Variants in SNX24 observed in about 807,000 individuals in gnomAD.
SNX24 encodes the protein sorting nexin-24.
Under a neutral mutation model 28.7 loss-of-function variants are expected in SNX24, and 22 were observed. That is an observed-to-expected ratio of 0.77 (90% CI 0.55 to 1.10). The LOEUF (loss-of-function observed/expected upper bound fraction) is 1.10, where lower values mean the gene tolerates loss of function less well. Ranked by LOEUF, SNX24 falls within the 50% of genes least tolerant of loss-of-function variation. The pLI is 0.00. For synonymous variants in SNX24, 69 were observed against 71.5 expected (o/e 0.96, Z 0.18); for missense variants, 221 against 201.1 (o/e 1.10, Z -0.60).
In SNX24 at chr5:122,873,760, CTTTTTTTTT is replaced by C. The variant is rs909560379; in HGVS notation, c.60+28081_60+28089del. ...CTCTCTTTCATCTTTCAAAGGGAATCTTTTTTTTTTTTTTTTTTTTTTGAGATGGAGTTT... is the reference window on the plus strand; with the variant it reads ...CTCTCTTTCATCTTTCAAAGGGAATCTTTTTTTTTTTTTGAGATGGAGTTT... On this transcript the variant is annotated intron_variant, in intron 1 of 6. Transcript: ENST00000261369. 6.8e-4 allele frequency among the ~76,000 whole-genome samples: 82 copies of C among 120,648 alleles called. 1 individual carries two copies. The highest frequency in any genetic ancestry group is 2.4e-3 in the African/African-American group (76 of 32,000). 79.1% of individuals were successfully genotyped at this position (120,648 alleles called of 152,430 possible).
intron 1 of SNX24, among the ~76,000 whole-genome samples, chr5:122,928,288 T>C (rs1373559794): frequency 6.6e-6 from 1 of 152,122 alleles, no homozygotes; most frequent in Non-Finnish European, 1.5e-5. Context: ...GTCATTCAGG[T>C]CTGTAGTGAA....
At chr5:122,894,503 A>G (rs1223795557) in intron 1 of SNX24, among the ~76,000 whole-genome samples, 2 of 152,136 alleles carry the variant, frequency 1.3e-5, no homozygotes, top group African/African-American at 4.8e-5. Context: ...GGCACCATGG[A>G]ACTTCTTTGT....
At chr5:122,974,006 C>T (rs536302699) in intron 3 of SNX24, among the ~76,000 whole-genome samples, 43 of 152,312 alleles carry the variant, frequency 2.8e-4, no homozygotes, top group Middle Eastern at 3.4e-3. Flanking sequence ...GAGCCTTCTC[C>T]TGTTCTGGAC....
At chr5:122,985,533 A>C (rs1761564386) in intron 3 of SNX24, among the ~76,000 whole-genome samples, 1 of 152,200 alleles carries the variant, frequency 6.6e-6, no homozygotes, top group Non-Finnish European at 1.5e-5. Context: ...TGAGAGGATT[A>C]AGCGACCCAT....
At chr5:122,889,743 G>GTA (rs71223069) in intron 1 of SNX24, among the ~76,000 whole-genome samples, 1 of 143,452 alleles carries the variant, frequency 7.0e-6, no homozygotes, top group Non-Finnish European at 1.5e-5. Context: ...ATATATATGT[G>GTA]TATATATATA....
intron 2 of SNX24, among the ~76,000 whole-genome samples, chr5:122,943,862 C>T (rs1315879863): frequency 6.6e-6 from 1 of 152,162 alleles, no homozygotes; most frequent in South Asian, 2.1e-4. Context: ...CCCTTTTTCT[C>T]TATCTGTACC....
intron 2 of SNX24, among the ~76,000 whole-genome samples, chr5:122,943,603 TC>T (rs200915193): frequency 6.6e-6 from 1 of 152,168 alleles, no homozygotes. Flanking sequence ...CCCTTTTTTT[TC>T]TTGCTGGCTG....
At chr5:123,012,531 T>A (rs556170266), downstream of SNX24, among the ~76,000 whole-genome samples, 1 of 152,342 alleles carries the variant, frequency 6.6e-6, no homozygotes, top group African/African-American at 2.4e-5. Context: ...AATTAGTGTT[T>A]AATAGGTTTC....
chr5:122,889,352 A>G (rs531945460), intron 1 of SNX24, among the ~76,000 whole-genome samples: 14 of 151,942 alleles, frequency 9.2e-5, no homozygotes, highest in Non-Finnish European at 1.6e-4. Context: ...ATCTGTATAG[A>G]TGTATACAGG....
At chr5:122,890,618 C>G (rs905570959) in intron 1 of SNX24, among the ~76,000 whole-genome samples, 1 of 152,040 alleles carries the variant, frequency 6.6e-6, no homozygotes, top group East Asian at 1.9e-4. Flanking sequence ...TACAGGCGCC[C>G]GCCACCACAC....
intron 1 of SNX24, among the ~76,000 whole-genome samples, chr5:122,892,214 C>T (rs116565306): frequency 1.2e-4 from 19 of 152,238 alleles, no homozygotes; most frequent in Non-Finnish European, 2.1e-4. Context: ...CCCACACCCA[C>T]ACACATAACA....
intron 1 of SNX24, among the ~76,000 whole-genome samples, chr5:122,927,888 C>T (rs926840468): frequency 6.6e-6 from 1 of 152,082 alleles, no homozygotes; most frequent in South Asian, 2.1e-4. Flanking sequence ...GTGCTGAGCT[C>T]TTAACTTGCC....
intron 1 of SNX24, among the ~76,000 whole-genome samples, chr5:122,935,277 CTT>C (rs1398616777): frequency 6.6e-6 from 1 of 152,082 alleles, no homozygotes; most frequent in Admixed American, 6.5e-5. Context: ...CTGTGCTTCT[CTT>C]GTTTGTTTTC....
At chr5:122,910,066 G>A (rs1484388529) in intron 1 of SNX24, among the ~76,000 whole-genome samples, 1 of 152,144 alleles carries the variant, frequency 6.6e-6, no homozygotes, top group Non-Finnish European at 1.5e-5. Flanking sequence ...TTATTATTAG[G>A]AGTAAAGTGG....
chr5:122,936,878 A>G, intron 2 of SNX24, 61 bp downstream of exon 2: 1 of 961,276 alleles, frequency 1.0e-6, no homozygotes, highest in Non-Finnish European at 1.7e-6. Context: ...ATGTTAACTA[A>G]CACTCCTTTC....
intron 5 of SNX24, among the ~76,000 whole-genome samples, chr5:123,024,498 C>T (rs1762821796): frequency 6.6e-6 from 1 of 152,164 alleles, no homozygotes; most frequent in Non-Finnish European, 1.5e-5. Context: ...AGCCATTAAC[C>T]TATAAGTTGA....
intron 3 of SNX24, among the ~76,000 whole-genome samples, chr5:122,989,802 T>C (rs1487622975): frequency 6.6e-6 from 1 of 152,234 alleles, no homozygotes; most frequent in Non-Finnish European, 1.5e-5. Context: ...TCCCAAGTTA[T>C]AGAAGGATTC....
At chr5:122,897,624 A>C (rs1464695028) in intron 1 of SNX24, among the ~76,000 whole-genome samples, 1 of 152,078 alleles carries the variant, frequency 6.6e-6, no homozygotes, top group African/African-American at 2.4e-5. Flanking sequence ...TGTAAAAACA[A>C]AAAAAAATTA....
At chr5:122,968,303 T>C (rs1241696042) in intron 3 of SNX24, among the ~76,000 whole-genome samples, 2 of 152,180 alleles carry the variant, frequency 1.3e-5, no homozygotes, top group Non-Finnish European at 2.9e-5. Flanking sequence ...GCTGAGATCA[T>C]GCCACTGCAC....
Sources: gnomAD v4.1 joint callset for allele counts (sites outside exome capture counted in the v4.1 genomes callset) on GRCh38, gnomAD v4.1.1 for gene constraint, MANE v1.5 for transcripts, NCBI Gene and HGNC (gene_info 2026-07-23, HGNC 2026-07-21) for gene names.